DNAH2: variants seen among roughly 807,000 people sequenced by gnomAD.
DNAH2 encodes dynein axonemal heavy chain 2, also known as axonemal beta dynein heavy chain 2.
DNAH2 carries 323 observed loss-of-function variants against 523.5 expected under a neutral mutation model. The observed-to-expected ratio is 0.62, with a 90% CI of 0.56 to 0.68. The LOEUF (loss-of-function observed/expected upper bound fraction) is 0.68, where lower values mean the gene tolerates loss of function less well. DNAH2 is among the 30% of genes least tolerant of loss of function. The pLI, the probability that DNAH2 is intolerant of heterozygous loss-of-function variation, is 0.00. For synonymous variants in DNAH2, 2,093 were observed against 2,177.4 expected, an observed-to-expected ratio of 0.96 and a Z score of 1.08; for missense variants, 4,907 against 5,701.5, an observed-to-expected ratio of 0.86 and a Z score of 4.49.
In DNAH2 at chr17:7,821,739, A is replaced by G. The variant is rs1019707694; in HGVS notation, c.11142+370A>G. Among the ~76,000 whole-genome samples the G allele has an allele frequency of 6.6e-6, 1 of 151,950 alleles. No individual in the cohort carries two copies. Among genetic ancestry groups the G allele is most frequent in the African/African-American group, 2.4e-5 (1 of 41,350 alleles). ...CCAGCTTTTCTCCTCTCTCTGTCGC[A>G]TCTACCGCTCTGGCTAGATCCAGCT... On this transcript the variant is annotated intron_variant, in intron 73 of 85. Transcript: ENST00000572933. This position sits in a 1 kb window ranked among gnomAD's most constrained non-coding sequence, Gnocchi z 5.0.
chr17:7,754,458 G>A lies in DNAH2; in HGVS notation c.1905-2633G>A, dbSNP rs950908929. The A allele has an allele frequency of 1.5e-5, 10 of 676,474 alleles. No individual in the cohort carries two copies. The highest frequency in any genetic ancestry group is 8.9e-5 in the African/African-American group (5 of 56,014). The allele number at this position is 676,474 out of a possible 1,614,324, so 41.9% of individuals were successfully genotyped here. ...GGCACAGAAATGGTATCAAGAAACC[G>A]CGATCACAAAGATACAAATCTCTTA... On this transcript the variant is annotated intron_variant, in intron 12 of 85. Coordinates refer to ENST00000572933, the MANE Select transcript of DNAH2 (RefSeq NM_020877.5). The surrounding 1 kb of genome is among the most constrained non-coding windows in gnomAD (Gnocchi z 4.6).
chr17:7,717,959 T>G lies in DNAH2; in HGVS notation c.-855T>G, dbSNP rs2074469185. ...GGAGGGAGAGGGAGCAAGGAATATT[T>G]GTGTGGGGGAGGGGGAGGAGAAGGG... On this transcript the variant is annotated 5_prime_UTR_variant, in exon 1 of 86. Transcript: ENST00000572933. The G allele has an allele frequency of 1.3e-5, 1 of 76,494 alleles. No homozygotes were observed. The allele number at this position is 76,494 out of a possible 1,614,324, so 4.7% of individuals were successfully genotyped here.
intron 24 of DNAH2, 90 bp from the exon 25 acceptor site, chr17:7,770,162 A>T: frequency 7.0e-7 from 1 of 1,431,848 alleles, no homozygotes; most frequent in Non-Finnish European, 9.3e-7. Context: ...ATGAATTGGT[A>T]ACTATGCAGA....
intron 58 of DNAH2, 74 bp from the exon 59 acceptor site, chr17:7,804,182 A>G: frequency 6.8e-7 from 1 of 1,478,660 alleles, no homozygotes; most frequent in Admixed American, 1.9e-5. Flanking sequence ...ACACACGGGG[A>G]AGGTGGACCT....
At position 7,758,632 on chromosome 17, in the gene DNAH2, G is replaced by T. The variant is rs1481472576; in HGVS notation, c.2189G>T (p.Cys730Phe). ...KGASAFFITECRIHASKVQMI... is the reference protein window; with the variant it reads ...KGASAFFITEFRIHASKVQMI... The stretch of plus-strand genomic sequence containing the variant: ...GCCAGTGCCTTCTTCATCACGGAGT[G>T]CCGTATACATGCCAGCAAGGTGGGC... Residue 730 changes from cysteine to phenylalanine, a missense_variant, in exon 14 of 86, where the codon TGC becomes TTC. By Grantham distance (205) the Cys-to-Phe change is radical. Coordinates refer to ENST00000572933, the MANE Select transcript of DNAH2 (RefSeq NM_020877.5). 5 of 1,613,404 alleles carry T rather than the reference G, an allele frequency of 3.1e-6. No homozygotes were observed. The South Asian group carries it at 5.5e-5, about 18-fold the overall frequency.
chr17:7,740,054 A>T, intron 9 of DNAH2, 116 bp downstream of exon 9: 10 of 301,468 alleles, frequency 3.3e-5, no homozygotes, highest in South Asian at 6.0e-5. Context: ...GATCGGGATC[A>T]GGGCGGTGGC....
chr17:7,764,197 A>G lies in DNAH2; in HGVS notation c.3260A>G (p.Asn1087Ser). 1 of 1,614,126 alleles carries G rather than the reference A, an allele frequency of 6.2e-7. No homozygotes were observed. The highest frequency in any genetic ancestry group is 1.1e-5 in the South Asian group (1 of 91,078). The change falls in exon 20 of 86, where the codon AAC becomes AGC. Residue 1087 changes from asparagine to serine, a missense_variant. Transcript: ENST00000572933. ...GATGCCCTGAAGCACGACTTGGCCA[A>G]CGTGGAGACTCAGATCCCTCCCATA... Reference protein sequence around the residue: ...LVDALKHDLANVETQIPPIHE... With the variant: ...LVDALKHDLASVETQIPPIHE...
At chr17:7,725,440 A>ATATTTTTTTTTTTTTTTTTTT (rs958458949) in intron 3 of DNAH2, among the ~76,000 whole-genome samples, 3 of 130,612 alleles carry the variant, frequency 2.3e-5, no homozygotes, top group East Asian at 2.9e-4. Context: ...ATATATATAT[A>ATATTTTTTTTTTTTTTTTTTT]TTTTCTTTTT....
rs1249218099 is a variant in DNAH2 at position 7,804,277 on chromosome 17, G to A, written c.8994G>A (p.Gln2998=). ...CCAGGTTGCTGGGAGAAAAACGGCAGGAGCTGCTGGCCCAAGCCAATAAAC... is the reference window on the plus strand; with the variant it reads ...CCAGGTTGCTGGGAGAAAAACGGCAAGAGCTGCTGGCCCAAGCCAATAAAC... ...GYKKLLGEKR[Q]ELLAQANKLR... Residue 2998 remains glutamine, a synonymous_variant, in exon 59 of 86, where the codon CAG becomes CAA. Transcript: ENST00000572933. The A allele has an allele frequency of 6.2e-7, 1 of 1,614,174 alleles. No homozygotes were observed. Among genetic ancestry groups the A allele is most frequent in the East Asian group, 2.2e-5 (1 of 44,872 alleles).
chr17:7,730,130 T>TAAAA (rs563065510), intron 4 of DNAH2, among the ~76,000 whole-genome samples: 2 of 124,890 alleles, frequency 1.6e-5, no homozygotes, highest in African/African-American at 6.1e-5. Flanking sequence ...GGGATTCAAT[T>TAAAA]AAAAAAAAAA....
intron 4 of DNAH2, among the ~76,000 whole-genome samples, chr17:7,728,570 T>TA (rs746599105): frequency 4.6e-5 from 7 of 152,234 alleles, no homozygotes; most frequent in East Asian, 1.9e-4. Flanking sequence ...ATATACATTT[T>TA]AATATAAAAG....
intron 63 of DNAH2, among the ~76,000 whole-genome samples, chr17:7,810,635 C>T (rs1040956401): frequency 6.6e-6 from 1 of 152,188 alleles, no homozygotes; most frequent in East Asian, 1.9e-4. Context: ...GTGATCTGCC[C>T]GTCTCGGCCT....
At position 7,734,476 on chromosome 17, in the gene DNAH2, T is replaced by G. The variant is rs1369867833; in HGVS notation, c.746T>G (p.Met249Arg). ...KELVQRLETS[M>R]IHWTRQIKEM... ...TTTGTACTCTCCCCTGCAGCCTCCA[T>G]GATCCACTGGACCCGGCAGATAAAG... The change falls in exon 7 of 86, where the codon ATG becomes AGG. Residue 249 changes from methionine (M) to arginine (R), a missense_variant. This residue lies in a region of DNAH2 where 2,806 missense variants were observed against 3,190.8 expected (regional missense o/e 0.88). Transcript: ENST00000572933. 3.1e-6 allele frequency: 5 copies of G among 1,613,916 alleles called. No homozygotes were observed. The highest frequency in any genetic ancestry group is 4.2e-6 in the Non-Finnish European group (5 of 1,179,990).
chr17:7,732,572 A>T (rs1055535381), intron 4 of DNAH2, among the ~76,000 whole-genome samples: 90 of 152,272 alleles, frequency 5.9e-4, no homozygotes, highest in African/African-American at 2.1e-3. Context: ...AAGGAATTTT[A>T]TATTTAATTA....
At chr17:7,726,368 A>G (rs1428300097) in intron 3 of DNAH2, among the ~76,000 whole-genome samples, 1 of 148,550 alleles carries the variant, frequency 6.7e-6, no homozygotes, top group Non-Finnish European at 1.5e-5. Flanking sequence ...CAGGGGTGTG[A>G]TCTCGGCTCA....
chr17:7,780,085 G>A lies in DNAH2; in HGVS notation c.5723-72G>A. 1 of 1,558,490 alleles carries A rather than the reference G, an allele frequency of 6.4e-7. No homozygotes were observed. Reference sequence around the variant, plus strand: ...AGGGTGGGAGAAAATGAGACTGATTGGAAAGTGGGTTTGGGGAAGCAAATC... The same window carrying A: ...AGGGTGGGAGAAAATGAGACTGATTAGAAAGTGGGTTTGGGGAAGCAAATC... On this transcript the variant is annotated intron_variant, in intron 36 of 85. Transcript: ENST00000572933. The surrounding 1 kb of genome is among the most constrained non-coding windows in gnomAD (Gnocchi z 4.4).
chr17:7,824,392 AC>A, intron 76 of DNAH2, 88 bp downstream of exon 76: 2 of 1,459,526 alleles, frequency 1.4e-6, no homozygotes, highest in Non-Finnish European at 1.8e-6. Flanking sequence ...CTGTCCCTGT[AC>A]CTCCCACTTC....
intron 78 of DNAH2, 60 bp from the exon 79 acceptor site, chr17:7,830,598 C>T: frequency 6.2e-7 from 1 of 1,609,522 alleles, no homozygotes; most frequent in South Asian, 1.1e-5. Flanking sequence ...GTTGAAGCCC[C>T]ATTGGCAGAT....
chr17:7,793,447 T>TTCTTTTTCTTTCTTTCTTTCTTTC (rs774059490), intron 48 of DNAH2, among the ~76,000 whole-genome samples: 5 of 96,416 alleles, frequency 5.2e-5, no homozygotes, highest in Admixed American at 1.1e-4. Flanking sequence ...CTTTCTTTCT[T>TTCTTTTTCTTTCTTTCTTTCTTTC]TTTCTTTCTT....
Sources: gnomAD v4.1 joint callset for allele counts (sites outside exome capture counted in the v4.1 genomes callset) on GRCh38, gnomAD v4.1.1 for gene constraint, gnomAD v4.1.1 regional missense constraint, Gnocchi (gnomAD v3.1) non-coding constraint, MANE v1.5 for transcripts, NCBI Gene and HGNC (gene_info 2026-07-23, HGNC 2026-07-21) for gene names.